The following PTPN21 variants were observed in gnomAD, a reference collection of about 807,000 sequenced individuals.
PTPN21 encodes the protein tyrosine-protein phosphatase non-receptor type 21.
A neutral mutation model predicts 131.8 loss-of-function variants in PTPN21; 77 were observed. The ratio of observed to expected loss-of-function variants is 0.58; its 90% CI spans 0.49 to 0.71. The LOEUF (loss-of-function observed/expected upper bound fraction) is 0.71, where lower values mean the gene tolerates loss of function less well. PTPN21 is among the 30% of genes least tolerant of loss of function. The pLI is 0.00. For synonymous variants in PTPN21, 715 were observed against 621.3 expected, an observed-to-expected ratio of 1.15 and a Z score of -2.24; for missense variants, 1,552 against 1,527.1, an observed-to-expected ratio of 1.02 and a Z score of -0.27.
intron 10 of PTPN21, among the ~76,000 whole-genome samples, chr14:88,491,983 C>T (rs1252062927): frequency 6.6e-6 from 1 of 151,612 alleles, no homozygotes; most frequent in Non-Finnish European, 1.5e-5. Flanking sequence ...TCATTTGTTG[C>T]TTTTCCCTCT....
At position 88,469,625 on chromosome 14, in the gene PTPN21, C is replaced by T; in HGVS notation, c.3109G>A (p.Gly1037Ser). Reference protein sequence around the residue: ...KITTRFRTDSGCYATTGLKMK... With the variant: ...KITTRFRTDSSCYATTGLKMK... ...TTCAGGCCTGTGGTGGCATAGCAGCCAGAGTCTGTGCGGAACCGGGTCGTG... is the reference window on the plus strand; with the variant it reads ...TTCAGGCCTGTGGTGGCATAGCAGCTAGAGTCTGTGCGGAACCGGGTCGTG... Residue 1037 changes from glycine to serine, a missense_variant, in exon 17 of 19, where the codon GGC becomes AGC. Coordinates refer to ENST00000556564, the MANE Select transcript of PTPN21 (RefSeq NM_007039.4). This position sits in a 1 kb window ranked among gnomAD's most constrained non-coding sequence, Gnocchi z 4.3. The T allele has an allele frequency of 6.2e-7, 1 of 1,614,136 alleles. No individual in the cohort carries two copies. The highest frequency in any genetic ancestry group is 8.5e-7 in the Non-Finnish European group (1 of 1,180,028).
chr14:88,518,041 G>A (rs1470527700), intron 2 of PTPN21, among the ~76,000 whole-genome samples: 5 of 146,350 alleles, frequency 3.4e-5, no homozygotes, highest in African/African-American at 1.0e-4. Flanking sequence ...TGTCTAGGTC[G>A]TGAATGTATT....
chr14:88,478,870 A>G, intron 13 of PTPN21, 50 bp downstream of exon 13: 1 of 1,289,774 alleles, frequency 7.8e-7, no homozygotes, highest in Non-Finnish European at 1.0e-6. Flanking sequence ...AAGAAGCGCC[A>G]GGGCGAACGC....
intron 2 of PTPN21, among the ~76,000 whole-genome samples, chr14:88,541,141 T>C (rs1180869190): frequency 1.3e-5 from 2 of 152,216 alleles, no homozygotes; most frequent in Admixed American, 6.5e-5. Context: ...TAATCTACTA[T>C]AGAAAGTGGT....
In PTPN21 at chr14:88,467,220, T is replaced by C. The variant is rs1187229144; in HGVS notation, c.*917A>G. ...CTCCCAAAACGCTTCTCAGCGCCCA[T>C]TGTTATTGTGTCATCTACAAAGCAA... is the stretch of plus-strand genomic sequence containing the variant. On this transcript the variant is annotated 3_prime_UTR_variant, in exon 19 of 19. Coordinates refer to ENST00000556564, the MANE Select transcript of PTPN21 (RefSeq NM_007039.4). 6 of 152,012 alleles carry C rather than the reference T, an allele frequency of 3.9e-5. No individual in the cohort carries two copies. Among genetic ancestry groups the C allele is most frequent in the Non-Finnish European group, 5.9e-5 (4 of 68,030 alleles). The allele number at this position is 152,012 out of a possible 1,614,324, so 9.4% of individuals were successfully genotyped here. A position where few individuals can be genotyped will look rare whatever the true frequency, so the allele number is the denominator to read the frequency against.
At chr14:88,489,746 G>A (rs2077795485) in intron 10 of PTPN21, among the ~76,000 whole-genome samples, 3 of 152,150 alleles carry the variant, frequency 2.0e-5, no homozygotes, top group Admixed American at 2.0e-4. Context: ...TATAGTAAGG[G>A]TAAGGAAGAA....
At chr14:88,496,624 T>G (rs1206312809) in intron 9 of PTPN21, 132 bp from the exon 10 acceptor site, 1 of 676,434 alleles carries the variant, frequency 1.5e-6, no homozygotes, top group African/African-American at 1.8e-5. Context: ...TATAAGCCTT[T>G]CATTTTCCAA....
rs554205298 is a variant in PTPN21, at chr14:88,528,323, T to C, written c.181-11062A>G. Reference sequence around the variant, plus strand: ...TTTGTTTCTGTTATCTATGATTTCTTTCAGCAGTGTTTTGTAGTTTTCCTT... The same window carrying C: ...TTTGTTTCTGTTATCTATGATTTCTCTCAGCAGTGTTTTGTAGTTTTCCTT... On this transcript the variant is annotated intron_variant, in intron 2 of 18. Coordinates refer to ENST00000556564, the MANE Select transcript of PTPN21 (RefSeq NM_007039.4). 2.2e-3 allele frequency among the ~76,000 whole-genome samples: 335 copies of C among 152,370 alleles called. 1 individual carries two copies. Among genetic ancestry groups the C allele is most frequent in the African/African-American group, 7.7e-3 (319 of 41,582 alleles).
chr14:88,518,271 T>TACAC (rs1326729196), intron 2 of PTPN21, among the ~76,000 whole-genome samples: 4 of 62,376 alleles, frequency 6.4e-5, no homozygotes, highest in East Asian at 5.4e-4. Context: ...TATATATATA[T>TACAC]ATACACACAC....
chr14:88,551,618 G>A (rs1244381473), intron 1 of PTPN21: 1 of 152,334 alleles, frequency 6.6e-6, no homozygotes, highest in Non-Finnish European at 1.5e-5. Flanking sequence ...TGGCGGTGGA[G>A]AGGTTGGGCG....
intron 10 of PTPN21, among the ~76,000 whole-genome samples, chr14:88,492,504 T>C (rs1435310142): frequency 6.6e-6 from 1 of 152,142 alleles, no homozygotes; most frequent in African/African-American, 2.4e-5. Context: ...AGACCAGCGA[T>C]GGGGACTCGG....
chr14:88,518,288 GCA>G (rs1175663651), intron 2 of PTPN21, among the ~76,000 whole-genome samples: 919 of 49,648 alleles, frequency 0.019, 30 homozygotes, highest in African/African-American at 0.063. Flanking sequence ...ACACACATAC[GCA>G]CACACACACA....
chr14:88,503,078 C>A (rs371891024), intron 6 of PTPN21, among the ~76,000 whole-genome samples: 27 of 150,984 alleles, frequency 1.8e-4, no homozygotes, highest in African/African-American at 6.6e-4. Context: ...GCTCTGTCAC[C>A]AGGCTGGAGT....
chr14:88,533,804 G>A (rs531240880), intron 2 of PTPN21, among the ~76,000 whole-genome samples: 5 of 152,054 alleles, frequency 3.3e-5, no homozygotes, highest in African/African-American at 7.2e-5. Context: ...CCAGAAGTTC[G>A]AGGCTGCAGT....
In PTPN21 at chr14:88,538,736, C is replaced by A. The variant is rs116077619; in HGVS notation, c.180+11502G>T. ...AGGTTATAAACCAGGAAGAAAGATGCTGTTCAAGGAGTCAGAACTACTCTA... is the reference window on the plus strand; with the variant it reads ...AGGTTATAAACCAGGAAGAAAGATGATGTTCAAGGAGTCAGAACTACTCTA... On this transcript the variant is annotated intron_variant, in intron 2 of 18. Coordinates refer to ENST00000556564, the MANE Select transcript of PTPN21 (RefSeq NM_007039.4). 5.3e-3 allele frequency among the ~76,000 whole-genome samples: 808 copies of A among 152,280 alleles called. 5 individuals carry two copies. Among genetic ancestry groups the A allele is most frequent in the African/African-American group, 0.019 (785 of 41,568 alleles).
At position 88,535,572 on chromosome 14, in the gene PTPN21, G is replaced by A. The variant is rs114271261; in HGVS notation, c.180+14666C>T. ...GTGAAGAACTTTGTAAGTTCTAATCGTACTGATAATACTGAAAAGCACTCT... is the reference window on the plus strand; with the variant it reads ...GTGAAGAACTTTGTAAGTTCTAATCATACTGATAATACTGAAAAGCACTCT... On this transcript the variant is annotated intron_variant, in intron 2 of 18. Transcript: ENST00000556564. 5.9e-3 allele frequency among the ~76,000 whole-genome samples: 901 copies of A among 152,178 alleles called. 9 individuals are homozygous for A. Among genetic ancestry groups the A allele is most frequent in the African/African-American group, 0.02 (818 of 41,524 alleles).
chr14:88,545,299 T>A (rs1187444522), intron 2 of PTPN21, among the ~76,000 whole-genome samples: 1 of 152,220 alleles, frequency 6.6e-6, no homozygotes, highest in Non-Finnish European at 1.5e-5. Flanking sequence ...TTACTGCTTA[T>A]AAATTACTAA....
intron 3 of PTPN21, among the ~76,000 whole-genome samples, chr14:88,514,203 TTA>T (rs1484016849): frequency 2.0e-5 from 3 of 152,196 alleles, no homozygotes; most frequent in African/African-American, 7.2e-5. Flanking sequence ...TTCTATACTT[TTA>T]TAGTTTCTAT....
intron 2 of PTPN21, among the ~76,000 whole-genome samples, chr14:88,547,808 C>G (rs1383873200): frequency 6.6e-6 from 1 of 152,114 alleles, no homozygotes; most frequent in Non-Finnish European, 1.5e-5. Context: ...TCTTTTTCTC[C>G]CCTGGAGAGC....
Sources: gnomAD v4.1 joint callset for allele counts (sites outside exome capture counted in the v4.1 genomes callset) on GRCh38, gnomAD v4.1.1 for gene constraint, Gnocchi (gnomAD v3.1) non-coding constraint, MANE v1.5 for transcripts, NCBI Gene and HGNC (gene_info 2026-07-23, HGNC 2026-07-21) for gene names.